Variants in TRPC7 observed in about 807,000 individuals in gnomAD.
TRPC7 encodes the protein short transient receptor potential channel 7.
In TRPC7, 42 loss-of-function variants were observed where a neutral mutation model predicts 90.1. The observed-to-expected ratio is 0.47, with a 90% CI of 0.36 to 0.60. The LOEUF (loss-of-function observed/expected upper bound fraction) is 0.60. Ranked by LOEUF, TRPC7 falls within the 20% of genes least tolerant of loss-of-function variation. The pLI, the probability that TRPC7 is intolerant of heterozygous loss-of-function variation, is 0.00. For synonymous variants in TRPC7, 451 were observed against 436.3 expected, an observed-to-expected ratio of 1.03 and a Z score of -0.42; for missense variants, 955 against 1,112.3, an observed-to-expected ratio of 0.86 and a Z score of 2.01.
intron 3 of TRPC7, among the ~76,000 whole-genome samples, chr5:136,295,039 C>G (rs1200885758): frequency 6.7e-6 from 1 of 149,632 alleles, no homozygotes; most frequent in Non-Finnish European, 1.5e-5. Flanking sequence ...ATCACAAGGA[C>G]AAAAAGCCAA....
intron 7 of TRPC7, among the ~76,000 whole-genome samples, chr5:136,246,347 A>G (rs1403718524): frequency 2.0e-5 from 3 of 152,192 alleles, no homozygotes; most frequent in African/African-American, 4.8e-5. Flanking sequence ...CCTGCCTCCC[A>G]TGCTGTGTGG....
chr5:136,293,498 G>A (rs924574313), intron 3 of TRPC7, among the ~76,000 whole-genome samples: 8 of 151,896 alleles, frequency 5.3e-5, no homozygotes, highest in East Asian at 1.9e-4. Context: ...CACAAATAAC[G>A]GACAAACAGA....
intron 5 of TRPC7, among the ~76,000 whole-genome samples, chr5:136,259,944 C>T (rs1050736646): frequency 7.2e-5 from 11 of 152,174 alleles, no homozygotes; most frequent in Non-Finnish European, 1.3e-4. Context: ...CTTTCTCTGC[C>T]GATACCTTAA....
intron 5 of TRPC7, among the ~76,000 whole-genome samples, chr5:136,265,493 G>C (rs1756993180): frequency 2.0e-5 from 3 of 151,828 alleles, no homozygotes; most frequent in South Asian, 4.2e-4. Flanking sequence ...CAGTTTTGTA[G>C]TTTTCAGTGT....
intron 2 of TRPC7, among the ~76,000 whole-genome samples, chr5:136,351,536 T>C (rs906700779): frequency 1.3e-5 from 2 of 152,208 alleles, no homozygotes; most frequent in African/African-American, 4.8e-5. Flanking sequence ...AATAGGCTTA[T>C]TCAGCGGCAG....
At chr5:136,292,114 A>T (rs1757979485) in intron 3 of TRPC7, among the ~76,000 whole-genome samples, 1 of 152,238 alleles carries the variant, frequency 6.6e-6, no homozygotes, top group Non-Finnish European at 1.5e-5. Context: ...GACACAGCAT[A>T]CCAGAATCTC....
At chr5:136,326,694 A>G (rs191579297) in intron 2 of TRPC7, among the ~76,000 whole-genome samples, 2 of 152,286 alleles carry the variant, frequency 1.3e-5, no homozygotes, top group East Asian at 3.9e-4. Context: ...TTTCCTAACC[A>G]CATTCACCTT....
intron 3 of TRPC7, among the ~76,000 whole-genome samples, chr5:136,293,297 A>G (rs1402964923): frequency 6.6e-6 from 1 of 152,202 alleles, no homozygotes; most frequent in Non-Finnish European, 1.5e-5. Context: ...CAGGGCAATC[A>G]GGCAGGAGAA....
At chr5:136,284,463 G>A (rs1157243913) in intron 3 of TRPC7, among the ~76,000 whole-genome samples, 2 of 152,144 alleles carry the variant, frequency 1.3e-5, no homozygotes, top group Admixed American at 1.3e-4. Flanking sequence ...GAATCCCACT[G>A]GATATTGTGA....
chr5:136,315,585 G>T lies in TRPC7; in HGVS notation c.963+12C>A. 1 of 1,613,130 alleles carries T rather than the reference G, an allele frequency of 6.2e-7. No homozygotes were observed. Among genetic ancestry groups the T allele is most frequent in the Non-Finnish European group, 8.5e-7 (1 of 1,179,270 alleles). ...GTGAGATGGGAAGACCAGGAGAGAT[G>T]GGGGAGCTTACCTTCTTGACTTCAT... On this transcript the variant is annotated intron_variant, in intron 3 of 11. Transcript: ENST00000513104.
intron 3 of TRPC7, among the ~76,000 whole-genome samples, chr5:136,299,121 G>A (rs1758283695): frequency 6.6e-6 from 1 of 152,134 alleles, no homozygotes; most frequent in African/African-American, 2.4e-5. Context: ...CACCAACGTG[G>A]AGAAACCCCG....
At chr5:136,339,709 C>A (rs557028361) in intron 2 of TRPC7, among the ~76,000 whole-genome samples, 1 of 152,136 alleles carries the variant, frequency 6.6e-6, no homozygotes, top group East Asian at 1.9e-4. Flanking sequence ...TCAGCAGTAC[C>A]CATTCTCTAG....
At position 136,365,273 on chromosome 5, in the gene TRPC7, G is replaced by T. The variant is rs1198920972; in HGVS notation, c.-19C>A. 1 of 1,537,010 alleles carries T rather than the reference G, an allele frequency of 6.5e-7. No individual in the cohort carries two copies. Among genetic ancestry groups the T allele is most frequent in the Non-Finnish European group, 8.7e-7 (1 of 1,146,852 alleles). On this transcript the variant is annotated 5_prime_UTR_variant, in exon 1 of 12. Coordinates refer to ENST00000513104, the MANE Select transcript of TRPC7 (RefSeq NM_020389.3). ...CTTACATTGAGGGTGTAATACGCAG[G>T]CTTGTTCCTCCTCTAGATGACCGGA...
At chr5:136,341,029 T>A (rs947767422) in intron 2 of TRPC7, among the ~76,000 whole-genome samples, 9 of 152,336 alleles carry the variant, frequency 5.9e-5, no homozygotes, top group African/African-American at 2.2e-4. Context: ...CAGTGAAATT[T>A]ATGATTTGAG....
intron 7 of TRPC7, among the ~76,000 whole-genome samples, chr5:136,234,611 A>T (rs1196932573): frequency 6.6e-6 from 1 of 152,116 alleles, no homozygotes; most frequent in Admixed American, 6.5e-5. Context: ...CCTGGCCCTA[A>T]ACTATGCATT....
At chr5:136,273,901 A>G (rs1309916918) in intron 4 of TRPC7, among the ~76,000 whole-genome samples, 2 of 152,108 alleles carry the variant, frequency 1.3e-5, no homozygotes, top group African/African-American at 4.8e-5. Context: ...GTTACTTTCT[A>G]CGGCTTTGAC....
At chr5:136,245,768 A>C (rs1377329875) in intron 7 of TRPC7, among the ~76,000 whole-genome samples, 1 of 152,140 alleles carries the variant, frequency 6.6e-6, no homozygotes, top group South Asian at 2.1e-4. Flanking sequence ...GACTGGAAAC[A>C]CTTCTGTGTT....
intron 2 of TRPC7, among the ~76,000 whole-genome samples, chr5:136,330,120 A>G (rs1049853188): frequency 2.6e-5 from 4 of 152,206 alleles, no homozygotes; most frequent in African/African-American, 9.6e-5. Flanking sequence ...CCTGTGGCTC[A>G]CATACATGGA....
At chr5:136,315,505 G>A in intron 3 of TRPC7, 92 bp downstream of exon 3, 2 of 1,380,956 alleles carry the variant, frequency 1.4e-6, no homozygotes, top group East Asian at 2.4e-5. Context: ...GTCACCCTGT[G>A]GGAACATAAA....
Sources: gnomAD v4.1 joint callset for allele counts (sites outside exome capture counted in the v4.1 genomes callset) on GRCh38, gnomAD v4.1.1 for gene constraint, MANE v1.5 for transcripts, NCBI Gene and HGNC (gene_info 2026-07-23, HGNC 2026-07-21) for gene names.